The following ZNF385C variants were observed in gnomAD, a reference collection of about 807,000 sequenced individuals.
The protein encoded by ZNF385C is zinc finger protein 385C, also known as CTD-2132N18.2.
In ZNF385C, 28 loss-of-function variants were observed where a neutral mutation model predicts 35.4. That is an observed-to-expected ratio of 0.79 (90% CI 0.59 to 1.08). The LOEUF (loss-of-function observed/expected upper bound fraction) is 1.08, where lower values mean the gene tolerates loss of function less well. Ranked by LOEUF, ZNF385C falls within the 50% of genes least tolerant of loss-of-function variation. The pLI, the probability that ZNF385C is intolerant of heterozygous loss-of-function variation, is 0.00. For synonymous variants in ZNF385C, 248 were observed against 248.2 expected (o/e 1.00, Z 0.01); for missense variants, 605 against 595.6 (o/e 1.02, Z -0.16).
chr17:42,068,530 G>A (rs1405235443), intron 1 of ZNF385C, among the ~76,000 whole-genome samples: 1 of 152,064 alleles, frequency 6.6e-6, no homozygotes, highest in African/African-American at 2.4e-5. Flanking sequence ...CTTTTTTGGG[G>A]GGGATAGGGT....
At chr17:42,046,746 G>A (rs895488833) in intron 2 of ZNF385C, among the ~76,000 whole-genome samples, 3 of 151,456 alleles carry the variant, frequency 2.0e-5, no homozygotes, top group Non-Finnish European at 4.4e-5. Context: ...AACATTTAAA[G>A]ATAAAATAAA....
chr17:42,063,057 A>C lies in ZNF385C; in HGVS notation c.-1T>G. On this transcript the variant is annotated splice_region_variant and 5_prime_UTR_variant, in exon 2 of 9. Transcript: ENST00000692273. ...GGGGTGGGCTCAGTGGCCGCTTCAT[A>C]TCTGAGTGGATAGAGAGGGAGATGA... The C allele has an allele frequency of 3.2e-6, 2 of 628,418 alleles. No individual in the cohort carries two copies. Among genetic ancestry groups the C allele is most frequent in the Non-Finnish European group, 5.7e-6 (2 of 351,814 alleles). 38.9% of individuals were successfully genotyped at this position (628,418 alleles called of 1,614,324 possible). A position where few individuals can be genotyped will look rare whatever the true frequency, so the allele number is the denominator to read the frequency against.
Position 42,092,551 on chromosome 17 carries a change from G to A in ZNF385C, c.-3+5859C>T, listed in dbSNP as rs566249573. Among the ~76,000 whole-genome samples, 6 of 152,270 alleles carry A rather than the reference G, an allele frequency of 3.9e-5. No individual in the cohort carries two copies. In the South Asian group the frequency reaches 1.2e-3, roughly 32 times the overall value. On this transcript the variant is annotated intron_variant, in intron 1 of 8. Transcript: ENST00000692273. Reference sequence around the variant, plus strand: ...GTTCTGGAGATGGATTCTTACAGGGGCCCCGAGCCCATCAGAGAATTATTC... The same window carrying A: ...GTTCTGGAGATGGATTCTTACAGGGACCCCGAGCCCATCAGAGAATTATTC...
intron 3 of ZNF385C, among the ~76,000 whole-genome samples, chr17:42,036,448 T>G (rs1172418093): frequency 1.3e-5 from 2 of 152,066 alleles, no homozygotes; most frequent in Non-Finnish European, 2.9e-5. Flanking sequence ...ATCCCAGCAC[T>G]TTGGGAGGCC....
chr17:42,060,706 T>C (rs527410333), intron 2 of ZNF385C, among the ~76,000 whole-genome samples: 1 of 152,252 alleles, frequency 6.6e-6, no homozygotes, highest in South Asian at 2.1e-4. Flanking sequence ...CTCCCTCCTC[T>C]GACTTCTATT....
chr17:42,074,945 G>A (rs2053668540), intron 1 of ZNF385C, among the ~76,000 whole-genome samples: 1 of 152,158 alleles, frequency 6.6e-6, no homozygotes, highest in Admixed American at 6.6e-5. Flanking sequence ...CCAATGATGG[G>A]GAGATCACTA....
chr17:42,027,142 A>C lies in ZNF385C; in HGVS notation c.1276-9T>G. The C allele has an allele frequency of 6.2e-7, 1 of 1,612,342 alleles. No homozygotes were observed. The highest frequency in any genetic ancestry group is 8.5e-7 in the Non-Finnish European group (1 of 1,179,138). Reference sequence around the variant, plus strand: ...TGCAAGGCCAGTTTAGACTACACGGAAAAGAAAGGAATGGACACAGTCTCC... The same window carrying C: ...TGCAAGGCCAGTTTAGACTACACGGCAAAGAAAGGAATGGACACAGTCTCC... On this transcript the variant is annotated splice_polypyrimidine_tract_variant and intron_variant, in intron 8 of 8. Coordinates refer to ENST00000692273, the MANE Select transcript of ZNF385C (RefSeq NM_001392013.1).
intron 1 of ZNF385C, among the ~76,000 whole-genome samples, chr17:42,067,006 T>C (rs1351688390): frequency 5.9e-5 from 9 of 151,854 alleles, no homozygotes; most frequent in African/African-American, 1.2e-4. Context: ...GAGGCAGAGG[T>C]TGCAGTGAGT....
chr17:42,027,536 C>T (rs1219518885), intron 8 of ZNF385C, 82 bp downstream of exon 8: 2 of 1,197,084 alleles, frequency 1.7e-6, no homozygotes, highest in Admixed American at 3.0e-5. Context: ...TCCTGCCCCA[C>T]CGCAGCCCCC....
intron 1 of ZNF385C, among the ~76,000 whole-genome samples, chr17:42,079,601 G>A (rs1567995917): frequency 6.6e-6 from 1 of 151,274 alleles, no homozygotes; most frequent in Non-Finnish European, 1.5e-5. Context: ...AGGAGTTGAA[G>A]ACCACAGTGA....
intron 2 of ZNF385C, chr17:42,039,776 C>T: frequency 8.1e-7 from 1 of 1,232,370 alleles, no homozygotes; most frequent in Non-Finnish European, 1.0e-6. Flanking sequence ...AACCCGAAGT[C>T]AAACTCGTGC....
rs933637768 is a variant in ZNF385C, at chr17:42,026,843, A to G, written c.*54T>C. On this transcript the variant is annotated 3_prime_UTR_variant, in exon 9 of 9. Coordinates refer to ENST00000692273, the MANE Select transcript of ZNF385C (RefSeq NM_001392013.1). ...GTAGGAAACCAAGGTGTCTCAGGAC[A>G]GGAGGAGACAAGGAGTGGCTATTGG... 2 of 1,494,504 alleles carry G rather than the reference A, an allele frequency of 1.3e-6. No individual in the cohort carries two copies. Among genetic ancestry groups the G allele is most frequent in the Non-Finnish European group, 1.8e-6 (2 of 1,093,396 alleles). The allele number at this position is 1,494,504 out of a possible 1,614,324, so 92.6% of individuals were successfully genotyped here.
chr17:42,090,389 C>T (rs544690747), intron 1 of ZNF385C, among the ~76,000 whole-genome samples: 2 of 147,234 alleles, frequency 1.4e-5, no homozygotes, highest in South Asian at 2.1e-4. Flanking sequence ...CAGGTTCAAG[C>T]GATTCTCCTG....
intron 2 of ZNF385C, among the ~76,000 whole-genome samples, chr17:42,054,573 C>A (rs1411850450): frequency 2.3e-5 from 3 of 131,246 alleles, no homozygotes; most frequent in Non-Finnish European, 4.8e-5. Flanking sequence ...ATCTGATCCA[C>A]TAGAACTTCT....
At chr17:42,062,658 A>G (rs2074162) in intron 2 of ZNF385C, 149 bp downstream of exon 2, 345,337 of 402,692 alleles carry the variant, frequency 0.86, 148,568 homozygotes, top group Admixed American at 0.9. Flanking sequence ...GGCATCGGGG[A>G]GGCTTCAGAC....
chr17:42,040,333 C>T, intron 2 of ZNF385C: 2 of 1,231,868 alleles, frequency 1.6e-6, no homozygotes, highest in South Asian at 8.2e-5. Flanking sequence ...GGTGCAGCGT[C>T]CGCTGCTGGC....
intron 1 of ZNF385C, among the ~76,000 whole-genome samples, chr17:42,086,701 CAAAAA>C (rs1184011274): frequency 1.5e-5 from 1 of 66,844 alleles, no homozygotes; most frequent in African/African-American, 5.1e-5. Flanking sequence ...GATTCCATCT[CAAAAA>C]AAAAAAAAAA....
intron 1 of ZNF385C, among the ~76,000 whole-genome samples, chr17:42,086,977 C>T (rs1356050262): frequency 2.6e-5 from 4 of 151,664 alleles, no homozygotes; most frequent in African/African-American, 9.7e-5. Context: ...TACACCACCA[C>T]GCCCGGCTAA....
intron 2 of ZNF385C, chr17:42,041,110 T>C (rs1435370519): frequency 4.1e-6 from 5 of 1,232,282 alleles, no homozygotes; most frequent in Non-Finnish European, 4.0e-6. Flanking sequence ...GTCTCTGGTC[T>C]CGTCCAACAC....
Sources: allele counts gnomAD v4.1 joint callset (sites outside exome capture counted in the v4.1 genomes callset), GRCh38; gene constraint gnomAD v4.1.1; transcripts MANE v1.5; gene names NCBI Gene and HGNC (gene_info 2026-07-23, HGNC 2026-07-21).